The following ERBIN variants were observed in gnomAD, a reference collection of about 807,000 sequenced individuals.
ERBIN encodes erbb2 interacting protein.
Under a neutral mutation model 158.4 loss-of-function variants are expected in ERBIN, and 60 were observed. That is an observed-to-expected ratio of 0.38 (90% CI 0.31 to 0.47). The LOEUF (loss-of-function observed/expected upper bound fraction) is 0.47, where lower values mean the gene tolerates loss of function less well. ERBIN is among the 20% of genes least tolerant of loss of function. The pLI, the probability that ERBIN is intolerant of heterozygous loss-of-function variation, is 0.99. For missense variants in ERBIN, 1,610 were observed against 1,648.0 expected, an observed-to-expected ratio of 0.98 and a Z score of 0.40; for synonymous variants, 594 against 557.2, an observed-to-expected ratio of 1.07 and a Z score of -0.93.
At chr5:65,945,804 CTA>C (rs1379903295) in intron 1 of ERBIN, among the ~76,000 whole-genome samples, 1 of 152,070 alleles carries the variant, frequency 6.6e-6, no homozygotes, top group African/African-American at 2.4e-5. Flanking sequence ...TTTGAGATAA[CTA>C]TAGATTCCCA....
intron 22 of ERBIN, among the ~76,000 whole-genome samples, chr5:66,074,687 T>A (rs1761826592): frequency 6.6e-6 from 1 of 152,220 alleles, no homozygotes; most frequent in African/African-American, 2.4e-5. Context: ...TGTGCCATTT[T>A]AACATTTGGT....
chr5:66,018,229 TAGGG>T (rs1755004648), intron 7 of ERBIN, among the ~76,000 whole-genome samples: 1 of 150,662 alleles, frequency 6.6e-6, no homozygotes, highest in African/African-American at 2.4e-5. Flanking sequence ...AGTGTTTTGA[TAGGG>T]ATGACATTGA....
chr5:65,967,359 A>G (rs879825200), intron 1 of ERBIN, among the ~76,000 whole-genome samples: 2 of 152,118 alleles, frequency 1.3e-5, no homozygotes, highest in Admixed American at 1.3e-4. Flanking sequence ...AGCAATTTCC[A>G]GCCCTGCAAG....
intron 1 of ERBIN, among the ~76,000 whole-genome samples, chr5:65,927,497 C>A (rs908295339): frequency 6.6e-6 from 1 of 151,918 alleles, no homozygotes; most frequent in East Asian, 1.9e-4. Context: ...TGTAACTGAT[C>A]CATTACGAAG....
chr5:66,002,541 AG>A (rs757788030), intron 4 of ERBIN, among the ~76,000 whole-genome samples: 1 of 152,218 alleles, frequency 6.6e-6, no homozygotes, highest in Non-Finnish European at 1.5e-5. Flanking sequence ...AGGGATTACA[AG>A]GCAGAGAAAC....
At chr5:65,997,925 T>G (rs1314817560) in intron 4 of ERBIN, among the ~76,000 whole-genome samples, 1 of 148,532 alleles carries the variant, frequency 6.7e-6, no homozygotes. Context: ...CAGGTGTCTG[T>G]CTACACACAC....
At chr5:65,932,197 G>A (rs1165656261) in intron 1 of ERBIN, among the ~76,000 whole-genome samples, 2 of 151,930 alleles carry the variant, frequency 1.3e-5, no homozygotes, top group African/African-American at 4.8e-5. Flanking sequence ...AAATTAGCTC[G>A]GTGTGGTCAC....
intron 14 of ERBIN, among the ~76,000 whole-genome samples, chr5:66,028,718 A>G (rs1756539103): frequency 6.6e-6 from 1 of 152,152 alleles, no homozygotes; most frequent in Admixed American, 6.5e-5. Flanking sequence ...TGTAGTCACC[A>G]TGTTGTACAG....
chr5:66,008,511 C>T (rs1753857511), intron 4 of ERBIN, among the ~76,000 whole-genome samples: 1 of 152,124 alleles, frequency 6.6e-6, no homozygotes, highest in Non-Finnish European at 1.5e-5. Context: ...CTAATAAATA[C>T]ATTTTTATAG....
At chr5:66,011,764 A>G (rs1754231563) in intron 4 of ERBIN, among the ~76,000 whole-genome samples, 1 of 152,216 alleles carries the variant, frequency 6.6e-6, no homozygotes, top group African/African-American at 2.4e-5. Flanking sequence ...AATGTTCTAC[A>G]ATTTAGGTCC....
At chr5:65,998,919 A>T (rs1028647150) in intron 4 of ERBIN, among the ~76,000 whole-genome samples, 2 of 138,452 alleles carry the variant, frequency 1.4e-5, no homozygotes, top group Non-Finnish European at 3.2e-5. Context: ...AAAAAAAAAA[A>T]TTATGCCCAA....
intron 14 of ERBIN, among the ~76,000 whole-genome samples, chr5:66,029,569 TCTGTCCTGTC>T (rs545193447): frequency 1.4e-5 from 2 of 144,996 alleles, no homozygotes; most frequent in East Asian, 1.9e-4. Flanking sequence ...TCTGTTCTGT[TCTGTCCTGTC>T]CTGTCCTGTC....
chr5:66,061,490 T>C (rs1760332103), intron 21 of ERBIN, among the ~76,000 whole-genome samples: 1 of 152,212 alleles, frequency 6.6e-6, no homozygotes, highest in Admixed American at 6.5e-5. Context: ...GTCTTGCCTC[T>C]TTATCCAATT....
chr5:66,001,348 G>T (rs1179375144), intron 4 of ERBIN, among the ~76,000 whole-genome samples: 1 of 152,058 alleles, frequency 6.6e-6, no homozygotes, highest in Non-Finnish European at 1.5e-5. Flanking sequence ...TTGGAAGGAG[G>T]CAGGAAATTT....
chr5:65,937,513 C>G (rs1170020797), intron 1 of ERBIN, among the ~76,000 whole-genome samples: 28 of 152,106 alleles, frequency 1.8e-4, no homozygotes, highest in Admixed American at 1.8e-3. Flanking sequence ...ATTTTGACCT[C>G]TCTCCCCTTC....
rs1755208874 is a variant in ERBIN, at chr5:66,018,538, AAT to A, written c.534-2777_534-2776del. On this transcript the variant is annotated intron_variant, in intron 7 of 25. Coordinates refer to ENST00000284037, the MANE Select transcript of ERBIN (RefSeq NM_001253697.2). ...TTATATAATATATATTATATTATATAATATATATTATATATTATATAATATAT... is the reference window on the plus strand; with the variant it reads ...TTATATAATATATATTATATTATATAATATATTATATATTATATAATATAT... Among the ~76,000 whole-genome samples, 3 of 9,360 alleles carry A rather than the reference AAT, an allele frequency of 3.2e-4. 1 individual carries two copies. Among genetic ancestry groups the A allele is most frequent in the South Asian group, 2.5e-3 (1 of 400 alleles). 6.1% of individuals were successfully genotyped at this position (9,360 alleles called of 152,430 possible). A position where few individuals can be genotyped will look rare whatever the true frequency, so the allele number is the denominator to read the frequency against.
In ERBIN at chr5:66,079,158, TAGG is replaced by T. The variant is rs1190757553; in HGVS notation, c.*631_*633del. 1 of 152,634 alleles carries T rather than the reference TAGG, an allele frequency of 6.6e-6. No individual in the cohort carries two copies. The highest frequency in any genetic ancestry group is 1.5e-5 in the Non-Finnish European group (1 of 68,058). 9.5% of individuals were successfully genotyped at this position (152,634 alleles called of 1,614,324 possible). A position where few individuals can be genotyped will look rare whatever the true frequency, so the allele number is the denominator to read the frequency against. On this transcript the variant is annotated 3_prime_UTR_variant, in exon 26 of 26. Transcript: ENST00000284037. ...GAGCTACGTGGTAGTATGTTTTTAT[TAGG>T]AGAATAATGCAATAAAATATGTAAT...
At chr5:65,970,376 CT>C (rs1749111264) in intron 1 of ERBIN, among the ~76,000 whole-genome samples, 1 of 152,154 alleles carries the variant, frequency 6.6e-6, no homozygotes, top group Admixed American at 6.5e-5. Context: ...GTATTTAAAG[CT>C]TTTAAGTTCT....
At chr5:66,063,217 A>T (rs1317324381) in intron 21 of ERBIN, among the ~76,000 whole-genome samples, 1 of 152,102 alleles carries the variant, frequency 6.6e-6, no homozygotes, top group East Asian at 1.9e-4. Context: ...TGCTTTGGTT[A>T]CCTACTCAAG....
Sources: allele counts gnomAD v4.1 joint callset (sites outside exome capture counted in the v4.1 genomes callset), GRCh38; gene constraint gnomAD v4.1.1; transcripts MANE v1.5; gene names NCBI Gene and HGNC (gene_info 2026-07-23, HGNC 2026-07-21).